Variants in NLGN1 observed in about 807,000 individuals in gnomAD.
The protein encoded by NLGN1 is neuroligin 1, also known as neuroligin-1.
In NLGN1, 12 loss-of-function variants were observed where a neutral mutation model predicts 65.5. The observed-to-expected ratio is 0.18, with a 90% CI of 0.12 to 0.30. The LOEUF (loss-of-function observed/expected upper bound fraction) is 0.30. Among genes scored for constraint, NLGN1 ranks in the 10% least tolerant of loss-of-function variants. NLGN1 has a pLI of 1.00. For missense variants in NLGN1, 750 were observed against 1,007.1 expected, an observed-to-expected ratio of 0.74 and a Z score of 3.46; for synonymous variants, 350 against 359.5, an observed-to-expected ratio of 0.97 and a Z score of 0.30.
chr3:174,088,757 A>AAAT (rs1743929336), intron 4 of NLGN1, among the ~76,000 whole-genome samples: 1 of 141,238 alleles, frequency 7.1e-6, no homozygotes, highest in Non-Finnish European at 1.5e-5. Flanking sequence ...CATCTCAATA[A>AAAT]AAATAAATAA....
At chr3:173,717,078 T>C (rs1199002718) in intron 3 of NLGN1, among the ~76,000 whole-genome samples, 1 of 152,152 alleles carries the variant, frequency 6.6e-6, no homozygotes, top group Non-Finnish European at 1.5e-5. Context: ...TTTAAGCCCA[T>C]CCTTGCACTG....
intron 4 of NLGN1, among the ~76,000 whole-genome samples, chr3:174,134,609 A>G (rs1720865571): frequency 6.6e-6 from 1 of 152,160 alleles, no homozygotes; most frequent in African/African-American, 2.4e-5. Context: ...AGGCTGAAGC[A>G]TGTGAAGTAG....
intron 2 of NLGN1, among the ~76,000 whole-genome samples, chr3:173,550,234 T>C (rs547606149): frequency 6.6e-6 from 1 of 152,220 alleles, no homozygotes; most frequent in Non-Finnish European, 1.5e-5. Context: ...ATGAATAAAA[T>C]TTTGTTTATA....
chr3:173,674,487 G>A (rs987547495), intron 3 of NLGN1, among the ~76,000 whole-genome samples: 1 of 152,052 alleles, frequency 6.6e-6, no homozygotes, highest in African/African-American at 2.4e-5. Flanking sequence ...CCCTTGATCA[G>A]TATGCTATAT....
chr3:173,533,783 A>G (rs1737002267), intron 2 of NLGN1, among the ~76,000 whole-genome samples: 1 of 152,188 alleles, frequency 6.6e-6, no homozygotes, highest in Non-Finnish European at 1.5e-5. Context: ...GAAGTTCAAG[A>G]TCAGCCTGGC....
At chr3:174,132,915 T>G (rs532874927) in intron 4 of NLGN1, among the ~76,000 whole-genome samples, 9 of 152,298 alleles carry the variant, frequency 5.9e-5, no homozygotes, top group African/African-American at 2.2e-4. Flanking sequence ...CAGTGACAAA[T>G]TAGGCTTAAC....
intron 4 of NLGN1, among the ~76,000 whole-genome samples, chr3:173,969,681 T>C (rs1293736546): frequency 6.6e-6 from 1 of 152,138 alleles, no homozygotes; most frequent in Non-Finnish European, 1.5e-5. Context: ...GCCAATATTC[T>C]ATGCTGTTGA....
In NLGN1 at chr3:173,467,226, T is replaced by C. The variant is rs562497210; in HGVS notation, c.-321+32148T>C. ...CATCATTAAATATTCTGTAAATGTA[T>C]GTTTTTTAAATGGCAGTACTATTTT... On this transcript the variant is annotated intron_variant, in intron 2 of 6. Coordinates refer to ENST00000457714, the Ensembl canonical transcript of NLGN1. Among the ~76,000 whole-genome samples the C allele has an allele frequency of 2.0e-5, 3 of 152,228 alleles. No homozygotes were observed. The East Asian group carries it at 5.8e-4, about 29-fold the overall frequency.
At chr3:173,568,641 A>G (rs1032666701) in intron 2 of NLGN1, among the ~76,000 whole-genome samples, 4 of 151,858 alleles carry the variant, frequency 2.6e-5, no homozygotes, top group Admixed American at 2.6e-4. Flanking sequence ...TAGGAAAATC[A>G]AGTTAGCTTC....
intron 4 of NLGN1, among the ~76,000 whole-genome samples, chr3:174,045,563 T>C (rs1225109957): frequency 2.0e-5 from 3 of 152,124 alleles, no homozygotes; most frequent in African/African-American, 7.2e-5. Context: ...ATTATGTCCC[T>C]TAATGAAAAT....
At chr3:173,538,311 G>A (rs888552451) in intron 2 of NLGN1, among the ~76,000 whole-genome samples, 2 of 152,194 alleles carry the variant, frequency 1.3e-5, no homozygotes, top group African/African-American at 4.8e-5. Flanking sequence ...GAAACCAGCT[G>A]CTTCAGGGTG....
intron 4 of NLGN1, among the ~76,000 whole-genome samples, chr3:174,198,952 A>G (rs1733961249): frequency 1.3e-5 from 2 of 149,352 alleles, no homozygotes; most frequent in South Asian, 4.2e-4. Context: ...GGTTCAAGCA[A>G]TTCTCCTGCC....
chr3:173,902,061 C>T (rs372715578), intron 4 of NLGN1, among the ~76,000 whole-genome samples: 1 of 152,038 alleles, frequency 6.6e-6, no homozygotes, highest in Admixed American at 6.6e-5. Context: ...ACAGATAGCC[C>T]TTGACGGAAT....
chr3:173,503,524 T>C (rs1731504795), intron 2 of NLGN1, among the ~76,000 whole-genome samples: 1 of 152,122 alleles, frequency 6.6e-6, no homozygotes, highest in African/African-American at 2.4e-5. Flanking sequence ...CCTATAAATA[T>C]ATTTTATATA....
At chr3:173,747,795 CTTG>C (rs1363923268) in intron 3 of NLGN1, among the ~76,000 whole-genome samples, 14,710 of 77,624 alleles carry the variant, frequency 0.19, 3,239 homozygotes, top group Middle Eastern at 0.27. Context: ...TCTTCTTCTT[CTTG>C]TTCTTTTTTT....
intron 4 of NLGN1, among the ~76,000 whole-genome samples, chr3:173,993,351 T>C (rs191877412): frequency 4.6e-5 from 7 of 152,334 alleles, no homozygotes; most frequent in Admixed American, 1.3e-4. Context: ...ACATGCCATG[T>C]GTGCACTAAA....
intron 4 of NLGN1, among the ~76,000 whole-genome samples, chr3:173,944,760 G>T (rs977575528): frequency 6.6e-5 from 10 of 152,160 alleles, no homozygotes; most frequent in Non-Finnish European, 1.0e-4. Context: ...ATAATTTAAT[G>T]CTGGGTATAT....
intron 4 of NLGN1, among the ~76,000 whole-genome samples, chr3:174,127,723 T>C (rs1040720029): frequency 6.6e-6 from 1 of 152,138 alleles, no homozygotes; most frequent in Non-Finnish European, 1.5e-5. Context: ...CAGCTGGCAA[T>C]TTTCTTCCCA....
intron 4 of NLGN1, among the ~76,000 whole-genome samples, chr3:173,912,821 G>T (rs1413799466): frequency 6.6e-6 from 1 of 151,758 alleles, no homozygotes; most frequent in East Asian, 2.0e-4. Flanking sequence ...AAATACACAT[G>T]TCTGAAGATT....
Sources: gnomAD v4.1 joint callset for allele counts (sites outside exome capture counted in the v4.1 genomes callset) on GRCh38, gnomAD v4.1.1 for gene constraint, MANE v1.5 for transcripts, NCBI Gene and HGNC (gene_info 2026-07-23, HGNC 2026-07-21) for gene names.